Variants in TCF4 observed in about 807,000 individuals in gnomAD.
TCF4 encodes transcription factor 4.
Under a neutral mutation model 82.1 loss-of-function variants are expected in TCF4, and 3 were observed. That is an observed-to-expected ratio of 0.04 (90% CI 0.02 to 0.09). The LOEUF (loss-of-function observed/expected upper bound fraction) is 0.09, where lower values mean the gene tolerates loss of function less well. Among genes scored for constraint, TCF4 ranks in the 10% least tolerant of loss-of-function variants. The probability of loss-of-function intolerance (pLI) is 1.00; values close to 1 mark genes in which losing one functional copy is unlikely to be tolerated. For missense variants in TCF4, 518 were observed against 852.7 expected (o/e 0.61, Z 4.89); for synonymous variants, 276 against 309.6 (o/e 0.89, Z 1.14).
At chr18:55,451,792 C>G (rs1458710927) in intron 5 of TCF4, among the ~76,000 whole-genome samples, 1 of 152,162 alleles carries the variant, frequency 6.6e-6, no homozygotes, top group South Asian at 2.1e-4. Flanking sequence ...GTCACAGACA[C>G]ATTTTAAGTA....
At chr18:55,478,514 A>G (rs1443323362) in intron 3 of TCF4, among the ~76,000 whole-genome samples, 2 of 152,172 alleles carry the variant, frequency 1.3e-5, no homozygotes, top group Non-Finnish European at 2.9e-5. Flanking sequence ...TCAGCTACTC[A>G]AAACTGTTGG....
chr18:55,533,704 G>C (rs773635175), intron 3 of TCF4, among the ~76,000 whole-genome samples: 10 of 152,150 alleles, frequency 6.6e-5, no homozygotes, highest in Non-Finnish European at 1.5e-4. Flanking sequence ...CACAAAAACA[G>C]TACAACACAA....
chr18:55,515,001 T>G (rs1225629877), intron 3 of TCF4, among the ~76,000 whole-genome samples: 1 of 152,140 alleles, frequency 6.6e-6, no homozygotes, highest in Non-Finnish European at 1.5e-5. Context: ...CCTGCCCCAC[T>G]CTATAAAGAC....
chr18:55,299,043 T>C (rs772877032), intron 8 of TCF4, among the ~76,000 whole-genome samples: 9 of 152,144 alleles, frequency 5.9e-5, no homozygotes, highest in Non-Finnish European at 1.0e-4. Context: ...AAGATAAATA[T>C]GAAGAAGTAT....
chr18:55,274,671 T>C (rs2061108097), intron 10 of TCF4, among the ~76,000 whole-genome samples: 1 of 152,190 alleles, frequency 6.6e-6, no homozygotes, highest in Admixed American at 6.6e-5. Context: ...AAGTATCACC[T>C]GGGATCACTG....
At chr18:55,375,903 T>C (rs1160269359) in intron 6 of TCF4, among the ~76,000 whole-genome samples, 3 of 152,078 alleles carry the variant, frequency 2.0e-5, no homozygotes, top group Non-Finnish European at 2.9e-5. Flanking sequence ...AGGTTCTATG[T>C]TATAACTAAG....
chr18:55,387,980 A>C (rs2092740126), intron 6 of TCF4, among the ~76,000 whole-genome samples: 1 of 152,136 alleles, frequency 6.6e-6, no homozygotes, highest in African/African-American at 2.4e-5. Flanking sequence ...ATGACGACCA[A>C]CCTCAACATC....
chr18:55,228,509 T>A, intron 18 of TCF4, 148 bp from the exon 19 acceptor site: 1 of 1,161,468 alleles, frequency 8.6e-7, no homozygotes, highest in Non-Finnish European at 1.3e-6. Context: ...TGGCAATCCA[T>A]TTGGTCAGTC....
chr18:55,310,685 G>C (rs2072079914), intron 8 of TCF4, among the ~76,000 whole-genome samples: 1 of 152,158 alleles, frequency 6.6e-6, no homozygotes, highest in Non-Finnish European at 1.5e-5. Context: ...CTTCAATGTT[G>C]GCTTTAAATT....
At chr18:55,498,163 A>G (rs760838914) in intron 3 of TCF4, among the ~76,000 whole-genome samples, 1 of 152,198 alleles carries the variant, frequency 6.6e-6, no homozygotes, top group Non-Finnish European at 1.5e-5. Flanking sequence ...GACCTAAATT[A>G]CCAATGGTTT....
intron 3 of TCF4, among the ~76,000 whole-genome samples, chr18:55,471,968 G>A (rs898671207): frequency 4.6e-5 from 7 of 152,158 alleles, no homozygotes; most frequent in Non-Finnish European, 7.3e-5. Flanking sequence ...ATGCTGGTGA[G>A]AAAGTATAGT....
intron 15 of TCF4, among the ~76,000 whole-genome samples, chr18:55,243,872 C>T (rs2052168424): frequency 1.3e-5 from 2 of 152,174 alleles, no homozygotes; most frequent in Non-Finnish European, 2.9e-5. Flanking sequence ...TCACCCATTT[C>T]TCTGTCCTTT....
chr18:55,271,344 C>T (rs2146000065), intron 10 of TCF4, among the ~76,000 whole-genome samples: 1 of 152,198 alleles, frequency 6.6e-6, no homozygotes, highest in East Asian at 1.9e-4. Flanking sequence ...AGTTCTGCAT[C>T]CCACAACTTG....
intron 5 of TCF4, among the ~76,000 whole-genome samples, chr18:55,460,147 G>A (rs1011594277): frequency 6.6e-6 from 1 of 152,136 alleles, no homozygotes; most frequent in Non-Finnish European, 1.5e-5. Context: ...TTGTCCAACA[G>A]ATTGTACCAA....
chr18:55,619,402 T>C (rs2097715466), intron 2 of TCF4, among the ~76,000 whole-genome samples: 1 of 152,198 alleles, frequency 6.6e-6, no homozygotes, highest in South Asian at 2.1e-4. Context: ...TTATTCCTGA[T>C]ACTGGTAATT....
chr18:55,412,151 C>T (rs1019096973), intron 5 of TCF4, among the ~76,000 whole-genome samples: 1 of 152,106 alleles, frequency 6.6e-6, no homozygotes, highest in Non-Finnish European at 1.5e-5. Flanking sequence ...AGCTAAAACT[C>T]CAATAGACCT....
intron 8 of TCF4, among the ~76,000 whole-genome samples, chr18:55,341,025 G>T (rs553040859): frequency 1.3e-5 from 2 of 152,250 alleles, no homozygotes; most frequent in African/African-American, 4.8e-5. Flanking sequence ...AAAAGTTATA[G>T]GACATGACTA....
chr18:55,476,941 CTGTG>C (rs1395953172), intron 3 of TCF4, among the ~76,000 whole-genome samples: 2 of 152,100 alleles, frequency 1.3e-5, no homozygotes, highest in Non-Finnish European at 2.9e-5. Flanking sequence ...GTGCATGTGC[CTGTG>C]TGTGTAAAAT....
intron 3 of TCF4, among the ~76,000 whole-genome samples, chr18:55,507,515 A>C (rs1033823992): frequency 3.3e-5 from 5 of 151,510 alleles, no homozygotes; most frequent in Non-Finnish European, 7.4e-5. Context: ...GCTGATGGAC[A>C]GTAACTAAAA....
Sources: gnomAD v4.1 joint callset for allele counts (sites outside exome capture counted in the v4.1 genomes callset) on GRCh38, gnomAD v4.1.1 for gene constraint, MANE v1.5 for transcripts, NCBI Gene and HGNC (gene_info 2026-07-23, HGNC 2026-07-21) for gene names.